The following VWA3B variants were observed in gnomAD, a reference collection of about 807,000 sequenced individuals.
VWA3B encodes von Willebrand factor A domain-containing protein 3B.
A neutral mutation model predicts 158.3 loss-of-function variants in VWA3B; 138 were observed. The ratio of observed to expected loss-of-function variants is 0.87; its 90% CI spans 0.76 to 1.00. VWA3B has a LOEUF of 1.00. VWA3B is among the 50% of genes least tolerant of loss of function. VWA3B has a pLI of 0.00. For missense variants in VWA3B, 1,555 were observed against 1,565.1 expected, an observed-to-expected ratio of 0.99 and a Z score of 0.11; for synonymous variants, 596 against 587.3, an observed-to-expected ratio of 1.01 and a Z score of -0.21.
At chr2:98,320,374 T>C in the VWA3B span, among the ~76,000 whole-genome samples, 1 of 152,178 alleles carries the variant, frequency 6.6e-6, no homozygotes, top group African/African-American at 2.4e-5. Context: ...ACTAATACAG[T>C]AAATTGGTGC....
intron 8 of VWA3B, among the ~76,000 whole-genome samples, chr2:98,172,922 T>C (rs1356157392): frequency 6.6e-6 from 1 of 152,118 alleles, no homozygotes; most frequent in Non-Finnish European, 1.5e-5. Flanking sequence ...AAGATAAATA[T>C]AGACATATCA....
chr2:98,265,011 A>T (rs76216937), intron 21 of VWA3B, among the ~76,000 whole-genome samples: 28,377 of 151,918 alleles, frequency 0.19, 3,027 homozygotes, highest in Admixed American at 0.34. Context: ...AGTTGATATA[A>T]CAACTTATGA....
At chr2:98,302,066 T>C (rs527684391) in intron 25 of VWA3B, among the ~76,000 whole-genome samples, 1 of 152,132 alleles carries the variant, frequency 6.6e-6, no homozygotes, top group South Asian at 2.1e-4. Context: ...CCTCAGGGAG[T>C]ATGCCCCCAG....
At chr2:98,250,517 C>CA in intron 20 of VWA3B, 81 bp downstream of exon 20, 1 of 875,498 alleles carries the variant, frequency 1.1e-6, no homozygotes, top group Non-Finnish European at 1.6e-6. Flanking sequence ...TTTAGCTTAG[C>CA]TTTTTTTTTT....
chr2:98,179,908 TC>T (rs1680395705), intron 8 of VWA3B, among the ~76,000 whole-genome samples: 1 of 142,116 alleles, frequency 7.0e-6, no homozygotes, highest in Admixed American at 7.0e-5. Flanking sequence ...TTCTCTTTCT[TC>T]TCTCTCTCTC....
At chr2:98,110,994 G>C (rs1674092496) in intron 2 of VWA3B, among the ~76,000 whole-genome samples, 1 of 152,178 alleles carries the variant, frequency 6.6e-6, no homozygotes, top group South Asian at 2.1e-4. Flanking sequence ...CCATGATTGT[G>C]AGGGCTCCCC....
At chr2:98,194,293 TG>T in intron 11 of VWA3B, 67 bp from the exon 12 acceptor site, 1 of 1,517,362 alleles carries the variant, frequency 6.6e-7, no homozygotes. Flanking sequence ...TATATCAAAC[TG>T]TGGCCTACCC....
At chr2:98,145,722 T>G (rs1296522912) in intron 7 of VWA3B, among the ~76,000 whole-genome samples, 2 of 151,870 alleles carry the variant, frequency 1.3e-5, no homozygotes, top group Admixed American at 1.3e-4. Context: ...TCCTCTTTCC[T>G]GAGTGTTTTT....
At chr2:98,321,897 A>T in the VWA3B span, among the ~76,000 whole-genome samples, 1 of 152,176 alleles carries the variant, frequency 6.6e-6, no homozygotes, top group Admixed American at 6.5e-5. Flanking sequence ...AGCTCCCATA[A>T]TTCCCACATG....
intron 19 of VWA3B, 52 bp downstream of exon 19, chr2:98,236,782 C>T: frequency 6.4e-7 from 1 of 1,557,704 alleles, no homozygotes; most frequent in Non-Finnish European, 8.7e-7. Flanking sequence ...ATTTTCTGCT[C>T]AAATAAAAAG....
rs1342826458 is a variant in VWA3B at position 98,125,817 on chromosome 2, C to T, written c.703-2422C>T. Among the ~76,000 whole-genome samples the T allele has an allele frequency of 6.6e-6, 1 of 152,192 alleles. No individual in the cohort carries two copies. Among genetic ancestry groups the T allele is most frequent in the Non-Finnish European group, 1.5e-5 (1 of 68,030 alleles). ...TAGCTGGGACTACAGGCGCCTGCCA[C>T]CACATCCGGCTAATTTTTCTGTATT... is the stretch of plus-strand genomic sequence containing the variant. On this transcript the variant is annotated intron_variant, in intron 5 of 27. Coordinates refer to ENST00000477737, the MANE Select transcript of VWA3B (RefSeq NM_144992.5). The surrounding 1 kb of genome is among the most constrained non-coding windows in gnomAD (Gnocchi z 4.1).
intron 6 of VWA3B, 69 bp from the exon 7 acceptor site, chr2:98,133,755 A>T: frequency 7.3e-7 from 1 of 1,362,692 alleles, no homozygotes; most frequent in East Asian, 2.3e-5. Flanking sequence ...GTTCAGTCCC[A>T]GGAGAAGGAA....
intron 2 of VWA3B, among the ~76,000 whole-genome samples, chr2:98,109,940 A>G (rs1674012064): frequency 6.6e-6 from 1 of 151,574 alleles, no homozygotes; most frequent in African/African-American, 2.4e-5. Context: ...TTGTTTTCAG[A>G]TGTTTGAGTA....
At chr2:98,139,003 G>A (rs538741363) in intron 7 of VWA3B, among the ~76,000 whole-genome samples, 2 of 152,334 alleles carry the variant, frequency 1.3e-5, no homozygotes, top group African/African-American at 4.8e-5. Context: ...AGGTGTGGAG[G>A]GAGAGGCACG....
At chr2:98,275,333 G>A (rs1005797564) in intron 22 of VWA3B, among the ~76,000 whole-genome samples, 2 of 152,188 alleles carry the variant, frequency 1.3e-5, no homozygotes, top group Non-Finnish European at 2.9e-5. Flanking sequence ...AGGTGAGAGA[G>A]GCCAATAAAC....
rs187198049 is a variant in VWA3B, at chr2:98,106,792, C to T, written c.197-8860C>T. On this transcript the variant is annotated intron_variant, in intron 2 of 27. Transcript: ENST00000477737. Reference sequence around the variant, plus strand: ...TCTGGAAGATTTCTAGGTAGACTATCATGCCATCTGCAAAGAGGAAAAGTC... The same window carrying T: ...TCTGGAAGATTTCTAGGTAGACTATTATGCCATCTGCAAAGAGGAAAAGTC... Among the ~76,000 whole-genome samples the T allele has an allele frequency of 1.8e-3, 268 of 152,302 alleles. 1 individual carries two copies. Among genetic ancestry groups the T allele is most frequent in the African/African-American group, 6.2e-3 (257 of 41,564 alleles).
intron 12 of VWA3B, among the ~76,000 whole-genome samples, chr2:98,203,692 G>A (rs1043595734): frequency 2.0e-5 from 3 of 152,204 alleles, no homozygotes; most frequent in Admixed American, 6.5e-5. Context: ...ATTGTAAGTG[G>A]TATTGCACTT....
chr2:98,295,287 A>C (rs1031429394), intron 23 of VWA3B, among the ~76,000 whole-genome samples: 1 of 152,150 alleles, frequency 6.6e-6, no homozygotes, highest in African/African-American at 2.4e-5. Context: ...AGGTTCTTAG[A>C]GCCAAAGGTT....
chr2:98,127,013 ATACT>A (rs1326145048), intron 5 of VWA3B, among the ~76,000 whole-genome samples: 2 of 140,692 alleles, frequency 1.4e-5, no homozygotes, highest in Non-Finnish European at 3.1e-5. Context: ...CCTCGGATAG[ATACT>A]GAGGTGAGGC....
Sources: allele counts gnomAD v4.1 joint callset (sites outside exome capture counted in the v4.1 genomes callset), GRCh38; gene constraint gnomAD v4.1.1; non-coding constraint Gnocchi (gnomAD v3.1); transcripts MANE v1.5; gene names NCBI Gene and HGNC (gene_info 2026-07-23, HGNC 2026-07-21).